Variants in QTRT2 observed in about 807,000 individuals in gnomAD.
QTRT2 encodes the protein queuine tRNA-ribosyltransferase accessory subunit 2, also known as queuine tRNA-ribosyltransferase domain containing 1.
QTRT2 carries 32 observed loss-of-function variants against 44.8 expected under a neutral mutation model. That is an observed-to-expected ratio of 0.71 (90% CI 0.54 to 0.96). QTRT2 has a LOEUF of 0.96. Among genes scored for constraint, QTRT2 ranks in the 40% least tolerant of loss-of-function variants. The probability of loss-of-function intolerance (pLI) is 0.00; values close to 1 mark genes in which losing one functional copy is unlikely to be tolerated. For synonymous variants in QTRT2, 182 were observed against 187.4 expected (o/e 0.97, Z 0.24); for missense variants, 461 against 503.1 (o/e 0.92, Z 0.80).
intron 9 of QTRT2, among the ~76,000 whole-genome samples, chr3:114,083,279 T>C (rs2077190956): frequency 6.9e-6 from 1 of 144,418 alleles, no homozygotes; most frequent in South Asian, 2.3e-4. Flanking sequence ...TTGTTGTTGT[T>C]GTTGTTGCTG....
At chr3:114,085,614 A>T in intron 9 of QTRT2, 59 bp from the exon 10 acceptor site, 3 of 1,367,338 alleles carry the variant, frequency 2.2e-6, no homozygotes, top group Non-Finnish European at 3.1e-6. Flanking sequence ...TAGATAGCTG[A>T]GGTTGTGGAT....
At chr3:114,059,594 C>T (rs2076855373) in intron 2 of QTRT2, among the ~76,000 whole-genome samples, 2 of 150,294 alleles carry the variant, frequency 1.3e-5, no homozygotes, top group South Asian at 4.3e-4. Flanking sequence ...GTTCTTCTAG[C>T]TCTGGACAAA....
intron 4 of QTRT2, 86 bp downstream of exon 4, chr3:114,066,369 A>G (rs2076954255): frequency 2.6e-6 from 2 of 761,648 alleles, no homozygotes; most frequent in African/African-American, 1.8e-5. Flanking sequence ...TTTCATTCAT[A>G]TGTTTGTTTA....
chr3:114,066,266 G>C lies in QTRT2; in HGVS notation c.239G>C (p.Gly80Ala), dbSNP rs754672546. The C allele has an allele frequency of 4.4e-6, 7 of 1,606,630 alleles. No homozygotes were observed. The highest frequency in any genetic ancestry group is 3.3e-5 in the Admixed American group (2 of 59,948). Residue 80 changes from glycine to alanine, a missense_variant, in exon 4 of 10, where the codon GGA becomes GCA. Coordinates refer to ENST00000281273, the MANE Select transcript of QTRT2 (RefSeq NM_024638.4). Reference sequence around the variant, plus strand: ...GAAGTCTTGACAGAATATAAAGAAGGAGTTGGAAAGTTTATAGGTAAAAAT... The same window carrying C: ...GAAGTCTTGACAGAATATAAAGAAGCAGTTGGAAAGTTTATAGGTAAAAAT... ...HHEVLTEYKE[G>A]VGKFIGMPES...
In QTRT2 at chr3:114,086,237, G is replaced by T; in HGVS notation, c.*333G>T. 1 of 310,894 alleles carries T rather than the reference G, an allele frequency of 3.2e-6. No homozygotes were observed. The highest frequency in any genetic ancestry group is 6.2e-6 in the Non-Finnish European group (1 of 160,606). 19.3% of individuals were successfully genotyped at this position (310,894 alleles called of 1,614,324 possible). A position where few individuals can be genotyped will look rare whatever the true frequency, so the allele number is the denominator to read the frequency against. Reference sequence around the variant, plus strand: ...AAGTGGGAGTGATGAGATTCTGAGGGACCCATGAATTGGATTGAGGCTTGA... The same window carrying T: ...AAGTGGGAGTGATGAGATTCTGAGGTACCCATGAATTGGATTGAGGCTTGA... On this transcript the variant is annotated 3_prime_UTR_variant, in exon 10 of 10. Coordinates refer to ENST00000281273, the MANE Select transcript of QTRT2 (RefSeq NM_024638.4).
At chr3:114,070,895 C>T (rs1264366468) in intron 6 of QTRT2, 57 bp downstream of exon 6, 1 of 1,353,734 alleles carries the variant, frequency 7.4e-7, no homozygotes, top group Non-Finnish European at 1.1e-6. Context: ...CCCTTACATT[C>T]TGTGATACCA....
chr3:114,060,492 G>A (rs1023523455), intron 2 of QTRT2, among the ~76,000 whole-genome samples: 17 of 137,176 alleles, frequency 1.2e-4, no homozygotes, highest in African/African-American at 4.8e-4. Context: ...AGGTAGGTAG[G>A]TAGGTAGATA....
intron 6 of QTRT2, among the ~76,000 whole-genome samples, chr3:114,073,944 A>G (rs2077056820): frequency 6.6e-6 from 1 of 152,030 alleles, no homozygotes; most frequent in African/African-American, 2.4e-5. Context: ...GGCTCCTCTT[A>G]TTCTGAATGC....
intron 8 of QTRT2, chr3:114,082,439 T>A (rs1261004445): frequency 3.8e-6 from 1 of 266,328 alleles, no homozygotes; most frequent in Non-Finnish European, 7.3e-6. Context: ...TACTTGTAAC[T>A]ATAATTTGCT....
intron 5 of QTRT2, among the ~76,000 whole-genome samples, chr3:114,069,252 T>C (rs1048847384): frequency 6.6e-5 from 10 of 152,136 alleles, no homozygotes; most frequent in Non-Finnish European, 1.2e-4. Context: ...TTTTTTTAAC[T>C]TTTATTTTTG....
intron 6 of QTRT2, 59 bp downstream of exon 6, chr3:114,070,897 G>A: frequency 7.4e-7 from 1 of 1,343,270 alleles, no homozygotes; most frequent in South Asian, 1.2e-5. Flanking sequence ...CTTACATTCT[G>A]TGATACCACC....
intron 6 of QTRT2, among the ~76,000 whole-genome samples, chr3:114,075,504 A>ATTTTT (rs34436490): frequency 3.4e-5 from 4 of 118,714 alleles, no homozygotes; most frequent in Non-Finnish European, 7.0e-5. Flanking sequence ...AGTTTTACTG[A>ATTTTT]TTTTTTTTTT....
chr3:114,070,869 C>G, intron 6 of QTRT2, 31 bp downstream of exon 6: 2 of 1,561,116 alleles, frequency 1.3e-6, no homozygotes, highest in Non-Finnish European at 1.8e-6. Context: ...ACTCCTTTCT[C>G]TTGACACTCT....
At chr3:114,073,808 T>G (rs138804974) in intron 6 of QTRT2, among the ~76,000 whole-genome samples, 1 of 152,294 alleles carries the variant, frequency 6.6e-6, no homozygotes, top group East Asian at 1.9e-4. Context: ...TCGTGCTTCT[T>G]ACACCCAGGA....
chr3:114,080,039 C>A lies in QTRT2; in HGVS notation c.880C>A (p.Pro294Thr). The change falls in exon 8 of 10, where the codon CCG (proline) becomes ACG (threonine). Residue 294 changes from proline (P) to threonine (T), a missense_variant. Coordinates refer to ENST00000281273, the MANE Select transcript of QTRT2 (RefSeq NM_024638.4). Reference sequence around the variant, plus strand: ...CCTGACTTTCAGTTTTGATTACCAGCCGAATCCTGAAGAGACACGTAAGTC... The same window carrying A: ...CCTGACTTTCAGTTTTGATTACCAGACGAATCCTGAAGAGACACGTAAGTC... ...CALTFSFDYQ[P>T]NPEETLLQQN... The A allele has an allele frequency of 1.2e-6, 2 of 1,609,070 alleles. No individual in the cohort carries two copies. The highest frequency in any genetic ancestry group is 1.7e-6 in the Non-Finnish European group (2 of 1,177,610).
chr3:114,073,955 C>T (rs2077056936), intron 6 of QTRT2, among the ~76,000 whole-genome samples: 1 of 152,116 alleles, frequency 6.6e-6, no homozygotes, highest in Admixed American at 6.5e-5. Context: ...TTCTGAATGC[C>T]CTTCAATATT....
At position 114,086,917 on chromosome 3, in the gene QTRT2, C is replaced by A. The variant is rs1048259544; in HGVS notation, c.*1013C>A. ...AGAACAAAAAGTTTTAGATTAGAGT[C>A]ATAGCCTTAATAGCCCTAGTTGTCA... is the stretch of plus-strand genomic sequence containing the variant. On this transcript the variant is annotated 3_prime_UTR_variant, in exon 10 of 10. Transcript: ENST00000281273. 6.6e-6 allele frequency: 1 copy of A among 152,228 alleles called. No individual in the cohort carries two copies. 9.4% of individuals were successfully genotyped at this position (152,228 alleles called of 1,614,324 possible).
At chr3:114,066,544 A>G (rs567694510) in intron 4 of QTRT2, 27 of 426,376 alleles carry the variant, frequency 6.3e-5, no homozygotes, top group African/African-American at 3.6e-4. Flanking sequence ...GATTAGGGAT[A>G]TGTATGGATA....
chr3:114,069,873 C>T lies in QTRT2; in HGVS notation c.334-753C>T, dbSNP rs548189649. On this transcript the variant is annotated intron_variant, in intron 5 of 9. Transcript: ENST00000281273. The stretch of plus-strand genomic sequence containing the variant: ...TTTAAGTCTTTAATTCTATATCTAA[C>T]TCAGTCTAGTAAACACTAGATATTA... Among the ~76,000 whole-genome samples, 5 of 152,198 alleles carry T rather than the reference C, an allele frequency of 3.3e-5. No homozygotes were observed. The East Asian group carries it at 7.7e-4, about 23-fold the overall frequency.
Sources: allele counts gnomAD v4.1 joint callset (sites outside exome capture counted in the v4.1 genomes callset), GRCh38; gene constraint gnomAD v4.1.1; transcripts MANE v1.5; gene names NCBI Gene and HGNC (gene_info 2026-07-23, HGNC 2026-07-21).